The following SPMIP4 variants were observed in gnomAD, a reference collection of about 807,000 sequenced individuals.
SPMIP4 encodes the protein sperm microtubule inner protein 4, also known as sperm-associated microtubule inner protein 4.
chr7:25,132,151 TC>T, the SPMIP4 span, among the ~76,000 whole-genome samples: 2 of 152,192 alleles, frequency 1.3e-5, no homozygotes. This position sits in a 1 kb window ranked among gnomAD's most constrained non-coding sequence, Gnocchi z 5.0. Flanking sequence ...TCATTGTCCC[TC>T]CCGCTGTGCT....
At chr7:25,168,374 C>T in the SPMIP4 span, 6 of 1,613,460 alleles carry the variant, frequency 3.7e-6, no homozygotes, top group East Asian at 2.2e-5. Flanking sequence ...CTGTGGTCCT[C>T]GGGGAGTGAA....
chr7:25,150,096 CAGGCTGG>C, the SPMIP4 span, among the ~76,000 whole-genome samples: 7 of 152,102 alleles, frequency 4.6e-5, no homozygotes, highest in South Asian at 6.2e-4. Flanking sequence ...GGCCAGGCTG[CAGGCTGG>C]AGGTAAGGGC....
the SPMIP4 span, among the ~76,000 whole-genome samples, chr7:25,140,690 C>T: frequency 6.6e-6 from 1 of 151,792 alleles, no homozygotes; most frequent in Non-Finnish European, 1.5e-5. Context: ...CTGGCTGAAG[C>T]GATTCTCCTG....
the SPMIP4 span, among the ~76,000 whole-genome samples, chr7:25,140,530 G>T: frequency 3.3e-5 from 5 of 152,066 alleles, no homozygotes; most frequent in Non-Finnish European, 7.4e-5. Flanking sequence ...TCCAACTCCT[G>T]ACCTCAGGTG....
chr7:25,179,286 G>T, the SPMIP4 span: 1 of 1,611,774 alleles, frequency 6.2e-7, no homozygotes, highest in Non-Finnish European at 8.5e-7. Flanking sequence ...GCAACAGTAG[G>T]GCCTGCCGTG....
At chr7:25,178,339 G>A in the SPMIP4 span, among the ~76,000 whole-genome samples, 1 of 152,162 alleles carries the variant, frequency 6.6e-6, no homozygotes, top group Non-Finnish European at 1.5e-5. Context: ...GAACAACTTA[G>A]AATCCAATAA....
chr7:25,132,619 G>T, the SPMIP4 span, among the ~76,000 whole-genome samples: 1 of 152,156 alleles, frequency 6.6e-6, no homozygotes, highest in South Asian at 2.1e-4. The surrounding 1 kb of genome is among the most constrained non-coding windows in gnomAD (Gnocchi z 5.0). Flanking sequence ...CAGGGGAGGA[G>T]ACAGGAAAAG....
At chr7:25,150,148 A>G in the SPMIP4 span, among the ~76,000 whole-genome samples, 1 of 152,152 alleles carries the variant, frequency 6.6e-6, no homozygotes, top group Non-Finnish European at 1.5e-5. Context: ...CAGTTAAGGC[A>G]TAGGGATTTA....
chr7:25,138,289 G>C, the SPMIP4 span, among the ~76,000 whole-genome samples: 2 of 152,170 alleles, frequency 1.3e-5, no homozygotes, highest in East Asian at 1.9e-4. The surrounding 1 kb of genome is among the most constrained non-coding windows in gnomAD (Gnocchi z 6.2). Flanking sequence ...TCATAATTTA[G>C]TGTAAGCATT....
At chr7:25,153,494 C>T in the SPMIP4 span, among the ~76,000 whole-genome samples, 1 of 151,664 alleles carries the variant, frequency 6.6e-6, no homozygotes, top group African/African-American at 2.4e-5. Context: ...ATCACTTGGA[C>T]CCGGGAAGCA....
the SPMIP4 span, chr7:25,134,818 T>A: frequency 2.0e-6 from 2 of 985,408 alleles, no homozygotes; most frequent in Non-Finnish European, 2.4e-6. Context: ...TTGCATTACA[T>A]ATTAAAGGCT....
chr7:25,169,634 G>T, the SPMIP4 span, among the ~76,000 whole-genome samples: 1 of 152,286 alleles, frequency 6.6e-6, no homozygotes, highest in East Asian at 1.9e-4. Context: ...GCAATGGCGT[G>T]ATCTTGGCTC....
At chr7:25,139,605 TAGTC>T in the SPMIP4 span, among the ~76,000 whole-genome samples, 27 of 152,294 alleles carry the variant, frequency 1.8e-4, no homozygotes, top group African/African-American at 6.0e-4. Context: ...AATCTGTTCA[TAGTC>T]AGAGAAATTT....
At chr7:25,159,172 G>C in the SPMIP4 span, among the ~76,000 whole-genome samples, 1 of 152,222 alleles carries the variant, frequency 6.6e-6, no homozygotes, top group Non-Finnish European at 1.5e-5. Flanking sequence ...GTTATACATG[G>C]GGTGCAATTT....
chr7:25,151,795 T>A, the SPMIP4 span: 1 of 588,390 alleles, frequency 1.7e-6, no homozygotes, highest in African/African-American at 1.9e-5. Flanking sequence ...GTGTACATTT[T>A]ACCTATGTAG....
chr7:25,144,794 G>A, the SPMIP4 span, among the ~76,000 whole-genome samples: 1 of 152,208 alleles, frequency 6.6e-6, no homozygotes, highest in Admixed American at 6.5e-5. Flanking sequence ...TGAGATTAGA[G>A]TGATTCCATT....
the SPMIP4 span, among the ~76,000 whole-genome samples, chr7:25,178,582 T>C: frequency 6.6e-6 from 1 of 152,188 alleles, no homozygotes; most frequent in African/African-American, 2.4e-5. Context: ...TTACAACATA[T>C]TAATTTCCCA....
At chr7:25,164,031 G>A in the SPMIP4 span, among the ~76,000 whole-genome samples, 1 of 152,166 alleles carries the variant, frequency 6.6e-6, no homozygotes, top group Admixed American at 6.5e-5. Flanking sequence ...CATTAGGATG[G>A]CTTACTGAAT....
the SPMIP4 span, among the ~76,000 whole-genome samples, chr7:25,156,938 C>T: frequency 7.2e-5 from 11 of 152,192 alleles, no homozygotes; most frequent in South Asian, 1.5e-3. Context: ...CCACCTGCCT[C>T]GGCCTCCCAA....
Sources: gnomAD v4.1 joint callset for allele counts (sites outside exome capture counted in the v4.1 genomes callset) on GRCh38, gnomAD v4.1.1 for gene constraint, Gnocchi (gnomAD v3.1) non-coding constraint, MANE v1.5 for transcripts, NCBI Gene and HGNC (gene_info 2026-07-23, HGNC 2026-07-21) for gene names.